The following DLG2 variants were observed in gnomAD, a reference collection of about 807,000 sequenced individuals.
DLG2 encodes disks large homolog 2.
DLG2 carries 45 observed loss-of-function variants against 132.5 expected under a neutral mutation model. The ratio of observed to expected loss-of-function variants is 0.34; its 90% CI spans 0.27 to 0.44. DLG2 has a LOEUF of 0.44. DLG2 is among the 20% of genes least tolerant of loss of function. The pLI is 1.00. For synonymous variants in DLG2, 424 were observed against 419.6 expected (o/e 1.01, Z -0.13); for missense variants, 1,045 against 1,196.9 (o/e 0.87, Z 1.87).
chr11:85,005,820 T>C (rs1343365010), intron 6 of DLG2, among the ~76,000 whole-genome samples: 2 of 152,202 alleles, frequency 1.3e-5, no homozygotes, highest in African/African-American at 4.8e-5. Context: ...TTCAAAGGAA[T>C]GCTTCCAGTT....
At chr11:84,825,804 G>T (rs543105588) in intron 6 of DLG2, among the ~76,000 whole-genome samples, 4 of 151,824 alleles carry the variant, frequency 2.6e-5, no homozygotes, top group African/African-American at 9.7e-5. Context: ...TGCCTCACTT[G>T]TTCACCTTCT....
chr11:84,331,983 A>C lies in DLG2; in HGVS notation c.520-80692T>G, dbSNP rs56240076. ...TCACCTGGTGCAAATTTATTAGGAC[A>C]CAACCAACAATAAAATATTTTCTTT... is the stretch of plus-strand genomic sequence containing the variant. On this transcript the variant is annotated intron_variant, in intron 7 of 27. Coordinates refer to ENST00000376104, the MANE Select transcript of DLG2 (RefSeq NM_001142699.3). 9.4e-3 allele frequency among the ~76,000 whole-genome samples: 1,431 copies of C among 152,316 alleles called. 16 individuals are homozygous for C. The highest frequency in any genetic ancestry group is 0.031 in the African/African-American group (1,278 of 41,574).
At position 84,548,245 on chromosome 11, in the gene DLG2, C is replaced by T. The variant is rs531650322; in HGVS notation, c.358-13514G>A. On this transcript the variant is annotated intron_variant, in intron 6 of 27. Coordinates refer to ENST00000376104, the MANE Select transcript of DLG2 (RefSeq NM_001142699.3). ...TCAGAGCAGCTACGGAAGCATAACA[C>T]ACAAATGAGACAACGCTAAGTATTC... Among the ~76,000 whole-genome samples the T allele has an allele frequency of 2.0e-4, 30 of 152,158 alleles. No homozygotes were observed. The South Asian group carries it at 3.5e-3, about 18-fold the overall frequency.
At chr11:84,741,270 G>A (rs1020806873) in intron 6 of DLG2, among the ~76,000 whole-genome samples, 2 of 151,528 alleles carry the variant, frequency 1.3e-5, no homozygotes, top group Non-Finnish European at 2.9e-5. Flanking sequence ...GTTTCACCGT[G>A]GTCTCGATCT....
At chr11:83,605,396 C>A (rs746697228) in intron 19 of DLG2, among the ~76,000 whole-genome samples, 1 of 152,130 alleles carries the variant, frequency 6.6e-6, no homozygotes, top group Non-Finnish European at 1.5e-5. Flanking sequence ...AAACAAAACA[C>A]GTAAGCAAGC....
Position 85,148,237 on chromosome 11 carries a change from G to A in DLG2, c.282+6319C>T, listed in dbSNP as rs1295248662. Among the ~76,000 whole-genome samples the A allele has an allele frequency of 5.3e-5, 8 of 152,040 alleles. No individual in the cohort carries two copies. In the South Asian group the frequency reaches 6.2e-4, roughly 12 times the overall value. Reference sequence around the variant, plus strand: ...ATACATGTGCATGTATCTTTATAACGGAATGATTTATATTCCTTTGGGTAT... The same window carrying A: ...ATACATGTGCATGTATCTTTATAACAGAATGATTTATATTCCTTTGGGTAT... On this transcript the variant is annotated intron_variant, in intron 5 of 27. Coordinates refer to ENST00000376104, the MANE Select transcript of DLG2 (RefSeq NM_001142699.3).
At chr11:83,989,198 T>G (rs1405250071) in intron 11 of DLG2, among the ~76,000 whole-genome samples, 1 of 152,134 alleles carries the variant, frequency 6.6e-6, no homozygotes, top group Non-Finnish European at 1.5e-5. Context: ...GGCATCACAT[T>G]GCCTCAGGTA....
intron 7 of DLG2, among the ~76,000 whole-genome samples, chr11:84,530,897 G>T (rs1169289827): frequency 6.6e-6 from 1 of 152,150 alleles, no homozygotes; most frequent in Non-Finnish European, 1.5e-5. Flanking sequence ...CAGTAGCTGG[G>T]TTCAGGAAAA....
At chr11:84,774,835 A>C (rs2070150137) in intron 6 of DLG2, among the ~76,000 whole-genome samples, 1 of 152,182 alleles carries the variant, frequency 6.6e-6, no homozygotes, top group South Asian at 2.1e-4. Flanking sequence ...AAGAATCCTA[A>C]ATAAAACATA....
intron 6 of DLG2, among the ~76,000 whole-genome samples, chr11:84,660,151 C>T (rs1243560137): frequency 6.6e-6 from 1 of 152,018 alleles, no homozygotes; most frequent in South Asian, 2.1e-4. Context: ...TGATCCAAAA[C>T]CCCCATTAAA....
chr11:84,630,130 C>A (rs1050410537), intron 6 of DLG2, among the ~76,000 whole-genome samples: 1 of 152,108 alleles, frequency 6.6e-6, no homozygotes, highest in South Asian at 2.1e-4. Context: ...TATTCTTCAA[C>A]CCTTTCCCTT....
intron 18 of DLG2, among the ~76,000 whole-genome samples, chr11:83,641,297 A>T (rs1168922661): frequency 6.6e-6 from 1 of 152,190 alleles, no homozygotes; most frequent in African/African-American, 2.4e-5. Flanking sequence ...CCGGACTCTT[A>T]ACCAAATAGT....
intron 19 of DLG2, among the ~76,000 whole-genome samples, chr11:83,580,421 G>A (rs1034482593): frequency 1.3e-5 from 2 of 151,844 alleles, no homozygotes; most frequent in African/African-American, 2.4e-5. Context: ...AACAAAGATA[G>A]ATATGGGTTC....
intron 18 of DLG2, among the ~76,000 whole-genome samples, chr11:83,753,253 C>T (rs12718483): frequency 0.3 from 45,702 of 151,578 alleles, 9,180 homozygotes; most frequent in African/African-American, 0.58. Context: ...AGAAACTCCA[C>T]CTCTACTAAA....
At chr11:83,483,088 A>G (rs2093250891) in intron 22 of DLG2, among the ~76,000 whole-genome samples, 1 of 152,126 alleles carries the variant, frequency 6.6e-6, no homozygotes. Context: ...GCAGAACAAA[A>G]CGATCGAAAG....
intron 11 of DLG2, among the ~76,000 whole-genome samples, chr11:84,034,472 T>A (rs1161271874): frequency 1.3e-5 from 2 of 152,186 alleles, no homozygotes; most frequent in Admixed American, 1.3e-4. Flanking sequence ...TATGCATATA[T>A]AAATTTTTTC....
chr11:84,209,535 T>C (rs1053079423), intron 8 of DLG2, among the ~76,000 whole-genome samples: 3 of 152,184 alleles, frequency 2.0e-5, no homozygotes, highest in African/African-American at 7.2e-5. Flanking sequence ...ATGTTATCAA[T>C]GTGAAAAACT....
chr11:84,923,559 T>C, intron 6 of DLG2: 1 of 1,001,546 alleles, frequency 1.0e-6, no homozygotes, highest in Non-Finnish European at 1.2e-6. Flanking sequence ...ATTAAATACT[T>C]TACAATGGGA....
At position 84,934,515 on chromosome 11, in the gene DLG2, G is replaced by GGTTTTTTTTTTTT. The variant is rs1566441569; in HGVS notation, c.357+177145_357+177146insAAAAAAAAAAAAC. ...GTATGGTCCTGGGTGTTTTTTTTTT[G>GGTTTTTTTTTTTT]TTTTGTTTTGTTTTTTTTTTTTTTT... On this transcript the variant is annotated intron_variant, in intron 6 of 27. Coordinates refer to ENST00000376104, the MANE Select transcript of DLG2 (RefSeq NM_001142699.3). Among the ~76,000 whole-genome samples, 74 of 40,482 alleles carry GGTTTTTTTTTTTT rather than the reference G, an allele frequency of 1.8e-3. 2 individuals carry two copies. Among genetic ancestry groups the GGTTTTTTTTTTTT allele is most frequent in the Middle Eastern group, 0.015 (1 of 66 alleles). 26.6% of individuals were successfully genotyped at this position (40,482 alleles called of 152,430 possible). A position where few individuals can be genotyped will look rare whatever the true frequency, so the allele number is the denominator to read the frequency against.
Sources: gnomAD v4.1 joint callset for allele counts (sites outside exome capture counted in the v4.1 genomes callset) on GRCh38, gnomAD v4.1.1 for gene constraint, MANE v1.5 for transcripts, NCBI Gene and HGNC (gene_info 2026-07-23, HGNC 2026-07-21) for gene names.